The following PAK5 variants were observed in gnomAD, a reference collection of about 807,000 sequenced individuals.
PAK5 encodes serine/threonine-protein kinase PAK 5.
A neutral mutation model predicts 65.9 loss-of-function variants in PAK5; 16 were observed. The ratio of observed to expected loss-of-function variants is 0.24; its 90% CI spans 0.16 to 0.37. The LOEUF is 0.37. Ranked by LOEUF, PAK5 falls within the 10% of genes least tolerant of loss-of-function variation. The pLI, the probability that PAK5 is intolerant of heterozygous loss-of-function variation, is 1.00. For missense variants in PAK5, 785 were observed against 903.9 expected, an observed-to-expected ratio of 0.87 and a Z score of 1.69; for synonymous variants, 371 against 354.9, an observed-to-expected ratio of 1.05 and a Z score of -0.51.
At chr20:9,561,114 T>C (rs752122237) in intron 6 of PAK5, among the ~76,000 whole-genome samples, 6 of 152,242 alleles carry the variant, frequency 3.9e-5, no homozygotes, top group African/African-American at 7.2e-5. Flanking sequence ...CAAGTATTCA[T>C]GGTGTTCCTT....
chr20:9,708,064 T>C (rs568898220), intron 2 of PAK5, among the ~76,000 whole-genome samples: 1 of 152,346 alleles, frequency 6.6e-6, no homozygotes, highest in East Asian at 1.9e-4. Flanking sequence ...CTACAGTCTT[T>C]TGGTCTTTCT....
intron 2 of PAK5, among the ~76,000 whole-genome samples, chr20:9,699,711 C>A (rs1262460111): frequency 1.3e-5 from 2 of 151,922 alleles, no homozygotes; most frequent in Non-Finnish European, 2.9e-5. Context: ...AGATAAGGAA[C>A]TTGTATTTCA....
chr20:9,615,854 G>A (rs1467762205), intron 3 of PAK5, among the ~76,000 whole-genome samples: 1 of 152,178 alleles, frequency 6.6e-6, no homozygotes, highest in African/African-American at 2.4e-5. Flanking sequence ...TCTTGTCTGG[G>A]GGCACAGCTA....
chr20:9,607,843 A>G (rs2046483230), intron 3 of PAK5, among the ~76,000 whole-genome samples: 1 of 152,142 alleles, frequency 6.6e-6, no homozygotes, highest in Non-Finnish European at 1.5e-5. Context: ...AAAAGAAAAG[A>G]AAAAAGAAAA....
intron 2 of PAK5, among the ~76,000 whole-genome samples, chr20:9,692,066 T>A (rs969389711): frequency 1.3e-5 from 2 of 152,214 alleles, no homozygotes; most frequent in Non-Finnish European, 2.9e-5. Flanking sequence ...CATACATCAC[T>A]AATTGTTCAA....
Position 9,643,996 on chromosome 20 carries a change from T to C in PAK5, c.204+129A>G, listed in dbSNP as rs544965368. ...AAAATTATAATCATGAAAGAATAAT[T>C]GTGAATAATCTGTGAATGTTAAAAA... is the stretch of plus-strand genomic sequence containing the variant. On this transcript the variant is annotated intron_variant, in intron 3 of 9. Coordinates refer to ENST00000353224, the MANE Select transcript of PAK5 (RefSeq NM_177990.4). 18 of 693,746 alleles carry C rather than the reference T, an allele frequency of 2.6e-5. No individual in the cohort carries two copies. The African/African-American group carries it at 2.8e-4, about 11-fold the overall frequency. 43.0% of individuals were successfully genotyped at this position (693,746 alleles called of 1,614,324 possible).
intron 1 of PAK5, among the ~76,000 whole-genome samples, chr20:9,730,843 C>T (rs1010075611): frequency 6.6e-6 from 1 of 152,184 alleles, no homozygotes; most frequent in African/African-American, 2.4e-5. Context: ...AGGACTCAGC[C>T]TTATCTAATG....
At chr20:9,684,749 C>G (rs1019596408) in intron 2 of PAK5, among the ~76,000 whole-genome samples, 1 of 152,148 alleles carries the variant, frequency 6.6e-6, no homozygotes, top group African/African-American at 2.4e-5. Context: ...TATTTTTAAG[C>G]CTCTTAATAG....
At chr20:9,813,641 T>A (rs1569098555) in intron 1 of PAK5, among the ~76,000 whole-genome samples, 1 of 152,076 alleles carries the variant, frequency 6.6e-6, no homozygotes. Context: ...TACAGTGGAA[T>A]GCTATATAGC....
chr20:9,654,069 G>A (rs760598070), intron 2 of PAK5, among the ~76,000 whole-genome samples: 1 of 151,648 alleles, frequency 6.6e-6, no homozygotes, highest in Non-Finnish European at 1.5e-5. Context: ...TGCCTCCTGG[G>A]TTCAAGCGAT....
At chr20:9,585,921 T>C (rs546259425) in intron 3 of PAK5, among the ~76,000 whole-genome samples, 1 of 152,300 alleles carries the variant, frequency 6.6e-6, no homozygotes, top group African/African-American at 2.4e-5. Flanking sequence ...GGAAAGTTTC[T>C]GGAAGAAAAG....
Position 9,593,145 on chromosome 20 carries a change from GA to G in PAK5, c.205-12216del, listed in dbSNP as rs1018905749. ...CTAGATCCCTTTTTTTTTCTACAAA[GA>G]AAAAAAAAATAGCTGGGCATGGTGG... On this transcript the variant is annotated intron_variant, in intron 3 of 9. Coordinates refer to ENST00000353224, the MANE Select transcript of PAK5 (RefSeq NM_177990.4). Among the ~76,000 whole-genome samples, 66 of 147,588 alleles carry G rather than the reference GA, an allele frequency of 4.5e-4. 1 individual carries two copies. In the East Asian group the frequency reaches 5.5e-3, roughly 12 times the overall value.
rs188714896 is a variant in PAK5 at position 9,725,418 on chromosome 20, C to T, written c.-161-13983G>A. Among the ~76,000 whole-genome samples, 41 of 151,908 alleles carry T rather than the reference C, an allele frequency of 2.7e-4. 1 individual carries two copies. Among genetic ancestry groups the T allele is most frequent in the African/African-American group, 8.7e-4 (36 of 41,384 alleles). On this transcript the variant is annotated intron_variant, in intron 1 of 9. Coordinates refer to ENST00000353224, the MANE Select transcript of PAK5 (RefSeq NM_177990.4). ...TTTTGGTCATCTTTAAATTTATTTACGATGTAATGGAAGAAAAGCTAAGAA... is the reference window on the plus strand; with the variant it reads ...TTTTGGTCATCTTTAAATTTATTTATGATGTAATGGAAGAAAAGCTAAGAA...
intron 3 of PAK5, among the ~76,000 whole-genome samples, chr20:9,620,555 G>T (rs1008313711): frequency 2.0e-5 from 3 of 152,206 alleles, no homozygotes; most frequent in Non-Finnish European, 4.4e-5. Flanking sequence ...CTTCCACCTG[G>T]ATGGGGAAGA....
Position 9,831,917 on chromosome 20 carries a change from C to A in PAK5, c.-162+6845G>T, listed in dbSNP as rs190875662. The stretch of plus-strand genomic sequence containing the variant: ...ATTTTGTTCTGTTTTTTTAAATATA[C>A]CTGCATGATGTTTTCATTTCACAAA... On this transcript the variant is annotated intron_variant, in intron 1 of 9. Transcript: ENST00000353224. Among the ~76,000 whole-genome samples the A allele has an allele frequency of 1.1e-3, 172 of 152,112 alleles. 1 individual carries two copies. Among genetic ancestry groups the A allele is most frequent in the Non-Finnish European group, 1.3e-3 (88 of 67,972 alleles).
chr20:9,595,521 A>G (rs2046248296), intron 3 of PAK5, among the ~76,000 whole-genome samples: 1 of 152,202 alleles, frequency 6.6e-6, no homozygotes, highest in Admixed American at 6.5e-5. Flanking sequence ...TCTAAGTTAT[A>G]TCTCAGATAA....
intron 4 of PAK5, among the ~76,000 whole-genome samples, chr20:9,573,802 C>T (rs1181092756): frequency 1.3e-5 from 2 of 152,044 alleles, no homozygotes; most frequent in African/African-American, 2.4e-5. Context: ...AATGAGGACT[C>T]GGAATGTTCC....
intron 1 of PAK5, among the ~76,000 whole-genome samples, chr20:9,739,228 C>CTTTTTT (rs55690747): frequency 9.6e-5 from 14 of 145,718 alleles, no homozygotes; most frequent in African/African-American, 3.0e-4. Context: ...TCTTTGCTTT[C>CTTTTTT]TTTTTTTTTT....
At chr20:9,607,531 T>C (rs899571820) in intron 3 of PAK5, among the ~76,000 whole-genome samples, 4 of 152,188 alleles carry the variant, frequency 2.6e-5, no homozygotes, top group Non-Finnish European at 5.9e-5. Flanking sequence ...TGGTGGCATG[T>C]GGCTGTGTAG....
Sources: gnomAD v4.1 joint callset for allele counts (sites outside exome capture counted in the v4.1 genomes callset) on GRCh38, gnomAD v4.1.1 for gene constraint, MANE v1.5 for transcripts, NCBI Gene and HGNC (gene_info 2026-07-23, HGNC 2026-07-21) for gene names.